CTNNA3: variants seen among roughly 807,000 people sequenced by gnomAD.
CTNNA3 encodes catenin alpha-3.
In CTNNA3, 76 loss-of-function variants were observed where a neutral mutation model predicts 95.7. The ratio of observed to expected loss-of-function variants is 0.79; its 90% CI spans 0.66 to 0.96. The LOEUF (loss-of-function observed/expected upper bound fraction) is 0.96. Ranked by LOEUF, CTNNA3 falls within the 40% of genes least tolerant of loss-of-function variation. The probability of loss-of-function intolerance (pLI) is 0.00; values close to 1 mark genes in which losing one functional copy is unlikely to be tolerated. For missense variants in CTNNA3, 1,191 were observed against 1,089.8 expected, an observed-to-expected ratio of 1.09 and a Z score of -1.31; for synonymous variants, 431 against 374.4, an observed-to-expected ratio of 1.15 and a Z score of -1.74.
chr10:67,402,361 A>G (rs927601380), intron 5 of CTNNA3, among the ~76,000 whole-genome samples: 6 of 152,240 alleles, frequency 3.9e-5, no homozygotes, highest in African/African-American at 1.4e-4. Flanking sequence ...TCAAAGAGCA[A>G]TTCTTTCAAT....
At chr10:67,076,407 G>A (rs1856752693) in intron 7 of CTNNA3, among the ~76,000 whole-genome samples, 1 of 152,196 alleles carries the variant, frequency 6.6e-6, no homozygotes, top group Non-Finnish European at 1.5e-5. Flanking sequence ...AAGGAGCAAA[G>A]TCCACCTGCA....
chr10:67,430,250 A>G (rs7920263), intron 5 of CTNNA3, among the ~76,000 whole-genome samples: 20,075 of 152,034 alleles, frequency 0.13, 1,710 homozygotes, highest in East Asian at 0.35. Context: ...CTCAAGGAGC[A>G]CAGTTGGTTC....
At chr10:65,984,150 A>AT (rs1416370884) in intron 16 of CTNNA3, among the ~76,000 whole-genome samples, 1 of 151,406 alleles carries the variant, frequency 6.6e-6, no homozygotes, top group Non-Finnish European at 1.5e-5. Flanking sequence ...AGAATGTATT[A>AT]TTTTTGAAAT....
chr10:67,219,808 G>T lies in CTNNA3; in HGVS notation c.642C>A (p.Asn214Lys). ...IAGARASLKE[N>K]SPLLHSICSA... is the part of the protein sequence containing the mutation. ...AACAAATTGAATGCAAGAGGGGAGAGTTCTCCTTCAGTGAAGCTCGGGCTC... is the reference window on the plus strand; with the variant it reads ...AACAAATTGAATGCAAGAGGGGAGATTTCTCCTTCAGTGAAGCTCGGGCTC... The change falls in exon 6 of 18, where the codon AAC becomes AAA. Residue 214 changes from asparagine to lysine, a missense_variant. Coordinates refer to ENST00000433211, the MANE Select transcript of CTNNA3 (RefSeq NM_013266.4). The T allele has an allele frequency of 6.2e-7, 1 of 1,613,466 alleles. No individual in the cohort carries two copies. Among genetic ancestry groups the T allele is most frequent in the Non-Finnish European group, 8.5e-7 (1 of 1,179,458 alleles).
chr10:67,074,512 G>A (rs555382142), intron 7 of CTNNA3, among the ~76,000 whole-genome samples: 6 of 151,388 alleles, frequency 4.0e-5, no homozygotes, highest in African/African-American at 1.2e-4. Context: ...CACCACGCCC[G>A]GCTAATTTTC....
intron 7 of CTNNA3, among the ~76,000 whole-genome samples, chr10:67,034,911 G>A (rs1386470536): frequency 6.6e-6 from 1 of 152,022 alleles, no homozygotes; most frequent in Non-Finnish European, 1.5e-5. Context: ...ATATCTCTTG[G>A]CAATGCTATT....
At chr10:67,667,582 C>T (rs1337096583) in intron 1 of CTNNA3, among the ~76,000 whole-genome samples, 1 of 152,082 alleles carries the variant, frequency 6.6e-6, no homozygotes, top group Non-Finnish European at 1.5e-5. Context: ...TTCTCTTCCT[C>T]AATTGTCATT....
At chr10:66,799,027 G>C (rs536754928) in intron 7 of CTNNA3, among the ~76,000 whole-genome samples, 34 of 151,574 alleles carry the variant, frequency 2.2e-4, no homozygotes, top group African/African-American at 7.7e-4. Flanking sequence ...AGAGTAAAAA[G>C]GAAAAGAAAA....
At chr10:66,642,297 C>A (rs972120523) in intron 9 of CTNNA3, among the ~76,000 whole-genome samples, 1 of 141,244 alleles carries the variant, frequency 7.1e-6, no homozygotes, top group African/African-American at 2.5e-5. Context: ...CACACACACA[C>A]ACACACACAA....
chr10:66,159,786 G>A (rs1274745294), intron 13 of CTNNA3, among the ~76,000 whole-genome samples: 2 of 151,866 alleles, frequency 1.3e-5, no homozygotes, highest in Non-Finnish European at 2.9e-5. Flanking sequence ...GTAGAATTCT[G>A]CTGTGAATCT....
chr10:66,403,627 G>T (rs964528327), intron 11 of CTNNA3, among the ~76,000 whole-genome samples: 2 of 152,112 alleles, frequency 1.3e-5, no homozygotes, highest in South Asian at 2.1e-4. Context: ...CGTAATTTGG[G>T]GGGAGACGAG....
intron 10 of CTNNA3, among the ~76,000 whole-genome samples, chr10:66,604,840 T>G (rs998277150): frequency 2.7e-5 from 4 of 148,674 alleles, no homozygotes; most frequent in African/African-American, 9.9e-5. Flanking sequence ...GAAGAAACAT[T>G]AGTCCACAAA....
intron 9 of CTNNA3, among the ~76,000 whole-genome samples, chr10:66,676,193 A>G (rs1846849793): frequency 6.6e-6 from 1 of 151,116 alleles, no homozygotes; most frequent in African/African-American, 2.4e-5. Context: ...AAACGGTGAC[A>G]GAGAAAGAGG....
intron 13 of CTNNA3, among the ~76,000 whole-genome samples, chr10:66,235,803 C>T (rs930272520): frequency 3.3e-5 from 5 of 151,870 alleles, no homozygotes; most frequent in African/African-American, 1.2e-4. Context: ...CCAGATTTAG[C>T]AAGATTTCAG....
intron 2 of CTNNA3, among the ~76,000 whole-genome samples, chr10:67,616,373 G>A (rs764988052): frequency 6.6e-6 from 1 of 152,208 alleles, no homozygotes; most frequent in Non-Finnish European, 1.5e-5. Context: ...ACAGACTAGA[G>A]ACAGCTCTAT....
chr10:66,080,501 T>A (rs1306284846), intron 14 of CTNNA3, among the ~76,000 whole-genome samples: 1 of 152,154 alleles, frequency 6.6e-6, no homozygotes, highest in Non-Finnish European at 1.5e-5. Context: ...CATTGCAATA[T>A]CTCTGATTTT....
chr10:67,291,898 G>A (rs1839851516), intron 5 of CTNNA3, among the ~76,000 whole-genome samples: 1 of 152,222 alleles, frequency 6.6e-6, no homozygotes, highest in Non-Finnish European at 1.5e-5. Flanking sequence ...TGTATTTAAT[G>A]TGTACATGAG....
upstream of CTNNA3, among the ~76,000 whole-genome samples, chr10:67,698,249 A>AGAG (rs147088597): frequency 0.044 from 6,688 of 151,670 alleles, 146 homozygotes; most frequent in Middle Eastern, 0.085. Flanking sequence ...GGAAAAAAAA[A>AGAG]AGAGAGAAAA....
At chr10:67,056,408 T>C (rs1855434282) in intron 7 of CTNNA3, among the ~76,000 whole-genome samples, 1 of 152,154 alleles carries the variant, frequency 6.6e-6, no homozygotes, top group Non-Finnish European at 1.5e-5. Context: ...GTACTACCCA[T>C]TTTTGCATCT....
Sources: gnomAD v4.1 joint callset for allele counts (sites outside exome capture counted in the v4.1 genomes callset) on GRCh38, gnomAD v4.1.1 for gene constraint, MANE v1.5 for transcripts, NCBI Gene and HGNC (gene_info 2026-07-23, HGNC 2026-07-21) for gene names.